The following GRM7 variants were observed in gnomAD, a reference collection of about 807,000 sequenced individuals.
GRM7 encodes the protein glutamate metabotropic receptor 7.
Under a neutral mutation model 84.5 loss-of-function variants are expected in GRM7, and 35 were observed. That is an observed-to-expected ratio of 0.41 (90% confidence interval 0.32 to 0.55). GRM7 has a LOEUF of 0.55. Among genes scored for constraint, GRM7 ranks in the 20% least tolerant of loss-of-function variants. The probability of loss-of-function intolerance (pLI) is 0.19; values close to 1 mark genes in which losing one functional copy is unlikely to be tolerated. For missense variants in GRM7, 1,003 were observed against 1,194.6 expected (o/e 0.84, Z 2.36); for synonymous variants, 487 against 455.1 (o/e 1.07, Z -0.89).
intron 7 of GRM7, among the ~76,000 whole-genome samples, chr3:7,553,992 G>A (rs1693627964): frequency 6.6e-6 from 1 of 152,132 alleles, no homozygotes; most frequent in Non-Finnish European, 1.5e-5. Context: ...CTAATGGGGG[G>A]TAGCTCCATA....
chr3:7,724,992 C>G (rs1702074127), intron 9 of GRM7, among the ~76,000 whole-genome samples: 1 of 152,006 alleles, frequency 6.6e-6, no homozygotes, highest in Admixed American at 6.6e-5. Context: ...AGTGCCCATG[C>G]TATTCTCAAA....
At position 7,105,860 on chromosome 3, in the gene GRM7, A is replaced by G. The variant is rs143092295; in HGVS notation, c.520-40592A>G. On this transcript the variant is annotated intron_variant, in intron 1 of 9. Transcript: ENST00000357716. ...GTTATTATTGAATGTACACAATAAT[A>G]TGCAAATTATTTTCTATGTAGAAAA... Among the ~76,000 whole-genome samples the G allele has an allele frequency of 3.2e-3, 485 of 152,026 alleles. 4 individuals carry two copies. Among genetic ancestry groups the G allele is most frequent in the Middle Eastern group, 0.017 (5 of 292 alleles).
At chr3:7,708,425 A>G (rs138033582) in intron 9 of GRM7, among the ~76,000 whole-genome samples, 1 of 152,266 alleles carries the variant, frequency 6.6e-6, no homozygotes, top group African/African-American at 2.4e-5. Context: ...CACAAGAAGA[A>G]AAGTCCTCAT....
At chr3:7,094,439 C>T (rs1326718069) in intron 1 of GRM7, among the ~76,000 whole-genome samples, 2 of 152,104 alleles carry the variant, frequency 1.3e-5, no homozygotes, top group Non-Finnish European at 2.9e-5. Flanking sequence ...GTTTTCCAGG[C>T]CATTCTTGTT....
chr3:7,523,870 G>T (rs144804516), intron 7 of GRM7, among the ~76,000 whole-genome samples: 198 of 152,116 alleles, frequency 1.3e-3, no homozygotes, highest in African/African-American at 4.3e-3. Flanking sequence ...AAAAATAGAG[G>T]ACTTTATAAA....
At chr3:7,277,848 A>G (rs373980925) in intron 2 of GRM7, among the ~76,000 whole-genome samples, 1 of 152,096 alleles carries the variant, frequency 6.6e-6, no homozygotes, top group African/African-American at 2.4e-5. Context: ...TTTTATAGCT[A>G]TTAGCTAAGA....
intron 6 of GRM7, among the ~76,000 whole-genome samples, chr3:7,453,968 A>G (rs1697890195): frequency 6.6e-6 from 1 of 152,060 alleles, no homozygotes; most frequent in African/African-American, 2.4e-5. Flanking sequence ...TTGGGCTGGT[A>G]AAAGGAGGGC....
At chr3:7,306,413 C>G in intron 3 of GRM7, 85 bp from the exon 4 acceptor site, 1 of 1,149,974 alleles carries the variant, frequency 8.7e-7, no homozygotes, top group Non-Finnish European at 1.3e-6. Flanking sequence ...AAGAATAGTA[C>G]CTTTCCTTTT....
intron 4 of GRM7, 65 bp downstream of exon 4, chr3:7,306,717 A>G: frequency 1.4e-6 from 2 of 1,391,276 alleles, no homozygotes; most frequent in East Asian, 2.4e-5. Flanking sequence ...ATGGCCAAGC[A>G]TGTGACTTTT....
chr3:7,111,503 G>T (rs1472234093), intron 1 of GRM7, among the ~76,000 whole-genome samples: 2 of 152,114 alleles, frequency 1.3e-5, no homozygotes, highest in East Asian at 1.9e-4. Flanking sequence ...ATGGAAGAAA[G>T]CATCAGGAAC....
intron 8 of GRM7, among the ~76,000 whole-genome samples, chr3:7,676,332 C>A (rs1271097203): frequency 8.5e-5 from 13 of 152,150 alleles, no homozygotes; most frequent in Admixed American, 8.5e-4. Context: ...GGGACCAATA[C>A]CTCTGAGATC....
intron 4 of GRM7, among the ~76,000 whole-genome samples, chr3:7,344,779 G>A (rs963598153): frequency 1.3e-5 from 2 of 152,094 alleles, no homozygotes; most frequent in Admixed American, 6.6e-5. Context: ...GGTTAGGGGA[G>A]GGTAGAATAG....
chr3:7,213,822 TGCCAGTACTCCCAGCA>T (rs1696511604), intron 2 of GRM7, among the ~76,000 whole-genome samples: 1 of 152,164 alleles, frequency 6.6e-6, no homozygotes, highest in African/African-American at 2.4e-5. Context: ...AAAAACCAGC[TGCCAGTACTCCCAGCA>T]GCTGGGAGAG....
intron 1 of GRM7, among the ~76,000 whole-genome samples, chr3:6,940,124 C>T (rs1204162164): frequency 6.6e-6 from 1 of 151,832 alleles, no homozygotes; most frequent in Non-Finnish European, 1.5e-5. Flanking sequence ...ATGGAGTCTC[C>T]CTCTGCCACC....
intron 8 of GRM7, among the ~76,000 whole-genome samples, chr3:7,606,509 A>G (rs926560026): frequency 6.6e-5 from 10 of 152,162 alleles, no homozygotes; most frequent in African/African-American, 2.4e-4. Context: ...TATCTGTTTT[A>G]TAAGTGAGGA....
At chr3:7,026,949 T>A (rs1455354645) in intron 1 of GRM7, among the ~76,000 whole-genome samples, 1 of 152,224 alleles carries the variant, frequency 6.6e-6, no homozygotes, top group Non-Finnish European at 1.5e-5. Context: ...AATCAACTCA[T>A]CTTCTCCTAT....
At chr3:7,226,570 C>T (rs1408700435) in intron 2 of GRM7, among the ~76,000 whole-genome samples, 3 of 152,162 alleles carry the variant, frequency 2.0e-5, no homozygotes, top group Admixed American at 2.0e-4. Flanking sequence ...TTGCCACATT[C>T]TATTGGTTAG....
intron 2 of GRM7, among the ~76,000 whole-genome samples, chr3:7,154,653 G>A (rs1179499591): frequency 6.6e-6 from 1 of 152,080 alleles, no homozygotes; most frequent in Admixed American, 6.6e-5. Context: ...TTTACATAGA[G>A]GGGTAGAGAC....
At chr3:7,145,441 T>C (rs1694077612) in intron 1 of GRM7, among the ~76,000 whole-genome samples, 1 of 152,174 alleles carries the variant, frequency 6.6e-6, no homozygotes, top group South Asian at 2.1e-4. Flanking sequence ...AGATTTCTCA[T>C]CTGTGATTAC....
Sources: allele counts gnomAD v4.1 joint callset (sites outside exome capture counted in the v4.1 genomes callset), GRCh38; gene constraint gnomAD v4.1.1; transcripts MANE v1.5; gene names NCBI Gene and HGNC (gene_info 2026-07-23, HGNC 2026-07-21).